The following PTPRJ variants were observed in gnomAD, a reference collection of about 807,000 sequenced individuals.
PTPRJ encodes receptor-type tyrosine-protein phosphatase eta.
PTPRJ carries 129 observed loss-of-function variants against 141.3 expected under a neutral mutation model. That is an observed-to-expected ratio of 0.91 (90% CI 0.79 to 1.06). PTPRJ has a LOEUF of 1.06. PTPRJ is among the 50% of genes least tolerant of loss of function. The pLI is 0.00. For synonymous variants in PTPRJ, 610 were observed against 640.5 expected, an observed-to-expected ratio of 0.95 and a Z score of 0.72; for missense variants, 1,601 against 1,679.7, an observed-to-expected ratio of 0.95 and a Z score of 0.82.
intron 23 of PTPRJ, among the ~76,000 whole-genome samples, 157 bp downstream of exon 23, chr11:48,163,775 G>A (rs1488867083): frequency 6.6e-6 from 1 of 152,196 alleles, no homozygotes; most frequent in East Asian, 1.9e-4. Flanking sequence ...TAAGCCCTGA[G>A]CTTCCAAAAC....
chr11:48,168,384 G>A lies in PTPRJ; in HGVS notation c.*1022G>A, dbSNP rs1857968448. On this transcript the variant is annotated 3_prime_UTR_variant, in exon 25 of 25. Coordinates refer to ENST00000418331, the MANE Select transcript of PTPRJ (RefSeq NM_002843.4). Reference sequence around the variant, plus strand: ...CGTTTTACTCAGGTTGGCATTTTATGTGTCTGTGTCTGTATGTGTGTGTGT... The same window carrying A: ...CGTTTTACTCAGGTTGGCATTTTATATGTCTGTGTCTGTATGTGTGTGTGT... 1.3e-5 allele frequency: 2 copies of A among 151,310 alleles called. No homozygotes were observed. Among genetic ancestry groups the A allele is most frequent in the South Asian group, 2.1e-4 (1 of 4,784 alleles). 9.4% of individuals were successfully genotyped at this position (151,310 alleles called of 1,614,324 possible).
chr11:48,165,372 T>C (rs10838812), intron 24 of PTPRJ, among the ~76,000 whole-genome samples: 106,271 of 152,130 alleles, frequency 0.7, 37,969 homozygotes, highest in South Asian at 0.79. Context: ...ACTTAATATC[T>C]ATGGTATAGT....
chr11:48,153,740 A>T, intron 18 of PTPRJ, 56 bp from the exon 19 acceptor site: 2 of 1,196,298 alleles, frequency 1.7e-6, no homozygotes, highest in Non-Finnish European at 2.5e-6. Context: ...GCTATGCTAA[A>T]TATGAATAAT....
In PTPRJ at chr11:48,167,276, A is replaced by G. The variant is rs776535043; in HGVS notation, c.3928A>G (p.Ile1310Val). ...RSQKDSKVDL[I>V]YQNTTAMTIY... ...CCAGAAAGACTCAAAAGTAGATCTT[A>G]TCTACCAGAACACAACTGCAATGAC... The change falls in exon 25 of 25, where the codon ATC (isoleucine) becomes GTC (valine). Residue 1310 changes from isoleucine to valine, a missense_variant. Coordinates refer to ENST00000418331, the MANE Select transcript of PTPRJ (RefSeq NM_002843.4). 3.7e-6 allele frequency: 6 copies of G among 1,613,320 alleles called. No homozygotes were observed. Among genetic ancestry groups the G allele is most frequent in the African/African-American group, 1.3e-5 (1 of 74,996 alleles).
chr11:47,985,321 T>TTTTAA (rs1331743917), intron 1 of PTPRJ, among the ~76,000 whole-genome samples: 3 of 151,940 alleles, frequency 2.0e-5, no homozygotes, highest in African/African-American at 7.3e-5. Flanking sequence ...CTAATTTTTT[T>TTTTAA]TTTTAATAGA....
chr11:48,011,223 G>A (rs151251716), intron 1 of PTPRJ, among the ~76,000 whole-genome samples: 2 of 152,202 alleles, frequency 1.3e-5, no homozygotes, highest in Non-Finnish European at 2.9e-5. Context: ...TCATAGCTTG[G>A]GGCTGTGTAT....
intron 11 of PTPRJ, among the ~76,000 whole-genome samples, chr11:48,140,290 A>C (rs776044525): frequency 2.2e-4 from 34 of 152,138 alleles, no homozygotes; most frequent in Non-Finnish European, 1.6e-4. Flanking sequence ...TTGGCCTCCT[A>C]AAGTGTTGGG....
intron 3 of PTPRJ, among the ~76,000 whole-genome samples, chr11:48,116,773 A>G (rs575137585): frequency 6.6e-6 from 1 of 152,256 alleles, no homozygotes; most frequent in Non-Finnish European, 1.5e-5. Flanking sequence ...GGAACTTAAG[A>G]AAATTCACAG....
chr11:48,137,349 C>T (rs1193110809), intron 10 of PTPRJ, 68 bp downstream of exon 10: 1 of 1,514,816 alleles, frequency 6.6e-7, no homozygotes, highest in African/African-American at 1.4e-5. Context: ...GTCAGTCCTC[C>T]CAAGTCTGTA....
intron 1 of PTPRJ, among the ~76,000 whole-genome samples, chr11:48,038,195 C>T (rs777744840): frequency 6.6e-6 from 1 of 152,040 alleles, no homozygotes; most frequent in Non-Finnish European, 1.5e-5. Context: ...GCAGTGTAGG[C>T]TCTCACATTG....
At chr11:48,072,008 C>T (rs182449066) in intron 1 of PTPRJ, among the ~76,000 whole-genome samples, 85 of 149,688 alleles carry the variant, frequency 5.7e-4, no homozygotes, top group African/African-American at 2.0e-3. Context: ...CGGGTTCAAG[C>T]GGTTCTTCTG....
At chr11:48,051,779 C>T (rs931741894) in intron 1 of PTPRJ, among the ~76,000 whole-genome samples, 1 of 152,210 alleles carries the variant, frequency 6.6e-6, no homozygotes, top group African/African-American at 2.4e-5. Context: ...TGATACTTCT[C>T]TGGCATTTTG....
intron 1 of PTPRJ, among the ~76,000 whole-genome samples, chr11:47,998,531 T>A (rs1729291): frequency 8.1e-4 from 123 of 152,278 alleles, no homozygotes; most frequent in African/African-American, 2.9e-3. Flanking sequence ...TCCTGTAATC[T>A]CGCTTCTATT....
At chr11:48,022,670 G>A (rs1031959878) in intron 1 of PTPRJ, among the ~76,000 whole-genome samples, 10 of 152,216 alleles carry the variant, frequency 6.6e-5, no homozygotes, top group Middle Eastern at 3.4e-3. Flanking sequence ...ACTGTGGTAA[G>A]GGGTGGATGT....
At position 48,081,134 on chromosome 11, in the gene PTPRJ, C is replaced by T. The variant is rs1369081890; in HGVS notation, c.97-28924C>T. 7.2e-5 allele frequency among the ~76,000 whole-genome samples: 11 copies of T among 152,366 alleles called. 1 individual carries two copies. In the East Asian group the frequency reaches 1.7e-3, roughly 24 times the overall value. ...GTTTCTGATGCGGGTGGTCTGCAAA[C>T]CACACTTGCAGCAACCCTGGCACAG... On this transcript the variant is annotated intron_variant, in intron 1 of 24. Coordinates refer to ENST00000418331, the MANE Select transcript of PTPRJ (RefSeq NM_002843.4).
chr11:48,096,918 A>C (rs895886882), intron 1 of PTPRJ: 1 of 154,564 alleles, frequency 6.5e-6, no homozygotes, highest in Non-Finnish European at 1.5e-5. Flanking sequence ...TGCCATTGAA[A>C]TTTTTTCTCA....
intron 1 of PTPRJ, among the ~76,000 whole-genome samples, chr11:48,011,176 C>T (rs1319365068): frequency 6.6e-6 from 1 of 152,190 alleles, no homozygotes; most frequent in Non-Finnish European, 1.5e-5. Context: ...CTTTGTAAGA[C>T]ATTTAATCTA....
At chr11:48,087,900 C>T (rs1246043361) in intron 1 of PTPRJ, among the ~76,000 whole-genome samples, 2 of 152,198 alleles carry the variant, frequency 1.3e-5, no homozygotes, top group Non-Finnish European at 2.9e-5. Context: ...GGTCAGTGAG[C>T]AGCATCAGCC....
intron 11 of PTPRJ, among the ~76,000 whole-genome samples, chr11:48,140,093 G>A (rs1857196785): frequency 6.6e-6 from 1 of 152,166 alleles, no homozygotes; most frequent in Non-Finnish European, 1.5e-5. Context: ...GGAATGCAGT[G>A]ACGCAATCTC....
Sources: gnomAD v4.1 joint callset for allele counts (sites outside exome capture counted in the v4.1 genomes callset) on GRCh38, gnomAD v4.1.1 for gene constraint, MANE v1.5 for transcripts, NCBI Gene and HGNC (gene_info 2026-07-23, HGNC 2026-07-21) for gene names.